GRXCR1: variants seen among roughly 807,000 people sequenced by gnomAD.
GRXCR1 encodes glutaredoxin domain-containing cysteine-rich protein 1.
A neutral mutation model predicts 27.3 loss-of-function variants in GRXCR1; 27 were observed. The ratio of observed to expected loss-of-function variants is 0.99; its 90% confidence interval spans 0.73 to 1.37. The LOEUF is 1.37. Among genes scored for constraint, GRXCR1 ranks in the 40% most tolerant of loss-of-function variants. The pLI is 0.00. For synonymous variants in GRXCR1, 122 were observed against 131.1 expected, an observed-to-expected ratio of 0.93 and a Z score of 0.47; for missense variants, 379 against 354.4, an observed-to-expected ratio of 1.07 and a Z score of -0.56.
At chr4:43,011,759 G>A (rs1405496735) in intron 2 of GRXCR1, among the ~76,000 whole-genome samples, 2 of 152,144 alleles carry the variant, frequency 1.3e-5, no homozygotes, top group African/African-American at 2.4e-5. Context: ...TGGGATGCCT[G>A]TTTCATTTCT....
chr4:43,011,973 C>A (rs1187720950), intron 2 of GRXCR1, among the ~76,000 whole-genome samples: 2 of 152,210 alleles, frequency 1.3e-5, no homozygotes, highest in African/African-American at 4.8e-5. Flanking sequence ...AGAGCCCATT[C>A]AAGTTGGAAC....
chr4:42,967,930 G>A (rs573094010), intron 2 of GRXCR1, among the ~76,000 whole-genome samples: 8 of 152,148 alleles, frequency 5.3e-5, no homozygotes, highest in African/African-American at 1.7e-4. Flanking sequence ...CTTACTGTTG[G>A]GAACAGGTAC....
chr4:42,966,429 G>T (rs1748239259), intron 2 of GRXCR1, among the ~76,000 whole-genome samples: 1 of 152,086 alleles, frequency 6.6e-6, no homozygotes, highest in African/African-American at 2.4e-5. Context: ...AGGTGGGACT[G>T]ATTGATAATT....
chr4:42,906,277 A>T (rs1302706189), intron 1 of GRXCR1, among the ~76,000 whole-genome samples: 2 of 152,190 alleles, frequency 1.3e-5, no homozygotes, highest in African/African-American at 4.8e-5. Context: ...CTGTATAGTA[A>T]GATGCTGTCC....
chr4:42,987,275 T>G (rs186612632), intron 2 of GRXCR1, among the ~76,000 whole-genome samples: 5,138 of 101,750 alleles, frequency 0.05, 140 homozygotes, highest in South Asian at 0.073. Flanking sequence ...TATATATATA[T>G]ATAGAGAGAG....
At chr4:42,931,091 GA>G (rs1021500183) in intron 1 of GRXCR1, among the ~76,000 whole-genome samples, 1 of 151,934 alleles carries the variant, frequency 6.6e-6, no homozygotes, top group African/African-American at 2.4e-5. Context: ...AATGGCACTG[GA>G]AAAGGGTATA....
intron 2 of GRXCR1, among the ~76,000 whole-genome samples, chr4:42,967,998 G>T (rs1283699278): frequency 1.3e-5 from 2 of 152,040 alleles, no homozygotes; most frequent in Non-Finnish European, 2.9e-5. Context: ...TAGTTATTTT[G>T]CTTGCCTTGA....
intron 2 of GRXCR1, among the ~76,000 whole-genome samples, chr4:42,983,493 G>A (rs1577931480): frequency 6.6e-6 from 1 of 151,690 alleles, no homozygotes; most frequent in East Asian, 1.9e-4. Context: ...GTAGTGTGAT[G>A]CCTCCAGCTT....
rs138425451 is a variant in GRXCR1, at chr4:42,986,228, T to C, written c.627+23094T>C. ...ATGTTTGGTCCTGATGGTGCTTATT[T>C]TCTGGGTTAGATTCAAAGAATAAAT... On this transcript the variant is annotated intron_variant, in intron 2 of 3. Transcript: ENST00000399770. 6.8e-3 allele frequency among the ~76,000 whole-genome samples: 1,031 copies of C among 152,308 alleles called. 9 individuals are homozygous for C. The highest frequency in any genetic ancestry group is 0.024 in the African/African-American group (994 of 41,572).
At chr4:42,900,269 A>T (rs746351909) in intron 1 of GRXCR1, among the ~76,000 whole-genome samples, 48 of 152,316 alleles carry the variant, frequency 3.2e-4, no homozygotes, top group Non-Finnish European at 6.0e-4. Context: ...ATTTTCAGTT[A>T]AGGGCATTTT....
chr4:43,002,460 G>A (rs1464650585), intron 2 of GRXCR1, among the ~76,000 whole-genome samples: 4 of 152,180 alleles, frequency 2.6e-5, no homozygotes, highest in Non-Finnish European at 4.4e-5. Context: ...CTTAAACCTT[G>A]ATTTTATACA....
At chr4:42,970,043 G>A (rs1170417595) in intron 2 of GRXCR1, among the ~76,000 whole-genome samples, 1 of 152,126 alleles carries the variant, frequency 6.6e-6, no homozygotes, top group African/African-American at 2.4e-5. Flanking sequence ...CCAAAACCCA[G>A]CAGGGCAGTT....
At chr4:42,922,777 A>T (rs1747045909) in intron 1 of GRXCR1, among the ~76,000 whole-genome samples, 1 of 151,934 alleles carries the variant, frequency 6.6e-6, no homozygotes, top group African/African-American at 2.4e-5. Context: ...TCCATGCTAG[A>T]TACCCCTTCA....
At chr4:42,949,457 C>T (rs1282049003) in intron 1 of GRXCR1, among the ~76,000 whole-genome samples, 4 of 151,120 alleles carry the variant, frequency 2.6e-5, no homozygotes, top group African/African-American at 9.7e-5. Flanking sequence ...TAGAGAGAGT[C>T]AGAACATGGC....
intron 2 of GRXCR1, among the ~76,000 whole-genome samples, chr4:42,967,525 A>T (rs1748275973): frequency 6.6e-6 from 1 of 152,134 alleles, no homozygotes; most frequent in African/African-American, 2.4e-5. Flanking sequence ...GGATATAGGT[A>T]TAACAACCGT....
intron 3 of GRXCR1, among the ~76,000 whole-genome samples, chr4:43,024,730 TGG>T (rs1713200829): frequency 6.6e-6 from 1 of 152,186 alleles, no homozygotes; most frequent in Non-Finnish European, 1.5e-5. Flanking sequence ...TTTAGCAGCT[TGG>T]TCAGGCAGAG....
At chr4:43,012,185 C>T (rs1712772547) in intron 2 of GRXCR1, among the ~76,000 whole-genome samples, 1 of 152,194 alleles carries the variant, frequency 6.6e-6, no homozygotes. Context: ...TTTAGAGAGC[C>T]TAGCTAGCAT....
At chr4:42,909,698 C>T (rs1368224392) in intron 1 of GRXCR1, among the ~76,000 whole-genome samples, 1 of 152,126 alleles carries the variant, frequency 6.6e-6, no homozygotes, top group African/African-American at 2.4e-5. Context: ...TCTTTTCCAG[C>T]CTCCAGTCTT....
At chr4:42,918,226 A>G (rs1746929519) in intron 1 of GRXCR1, among the ~76,000 whole-genome samples, 1 of 152,100 alleles carries the variant, frequency 6.6e-6, no homozygotes, top group African/African-American at 2.4e-5. Flanking sequence ...GCAGAAGAGC[A>G]AAAGGAGGCA....
Sources: gnomAD v4.1 joint callset for allele counts (sites outside exome capture counted in the v4.1 genomes callset) on GRCh38, gnomAD v4.1.1 for gene constraint, MANE v1.5 for transcripts, NCBI Gene and HGNC (gene_info 2026-07-23, HGNC 2026-07-21) for gene names.